UBE3C: variants seen among roughly 807,000 people sequenced by gnomAD.
UBE3C encodes ubiquitin-protein ligase E3C.
Under a neutral mutation model 129.4 loss-of-function variants are expected in UBE3C, and 42 were observed. The observed-to-expected ratio is 0.32, with a 90% CI of 0.25 to 0.42. The LOEUF (loss-of-function observed/expected upper bound fraction) is 0.42. UBE3C is among the 10% of genes least tolerant of loss of function. UBE3C has a pLI of 1.00. For missense variants in UBE3C, 1,049 were observed against 1,319.1 expected (o/e 0.80, Z 3.17); for synonymous variants, 510 against 492.4 (o/e 1.04, Z -0.47).
chr7:157,193,661 C>CTTTT (rs35221804), intron 10 of UBE3C, among the ~76,000 whole-genome samples: 1 of 140,722 alleles, frequency 7.1e-6, no homozygotes, highest in African/African-American at 2.6e-5. Context: ...AGAAATTTGT[C>CTTTT]TTTTTTTTTT....
At chr7:157,237,309 C>T (rs1035943174) in intron 18 of UBE3C, among the ~76,000 whole-genome samples, 1 of 151,852 alleles carries the variant, frequency 6.6e-6, no homozygotes, top group African/African-American at 2.4e-5. Flanking sequence ...GGCGTGGTGG[C>T]GGGCGCCTGT....
intron 13 of UBE3C, among the ~76,000 whole-genome samples, chr7:157,211,464 A>G (rs1809593595): frequency 6.6e-6 from 1 of 152,066 alleles, no homozygotes; most frequent in Non-Finnish European, 1.5e-5. Flanking sequence ...TAGTGTTTTA[A>G]ATATGTGCTG....
At chr7:157,197,722 C>G (rs1563052211) in intron 10 of UBE3C, 1 of 1,610,588 alleles carries the variant, frequency 6.2e-7, no homozygotes, top group East Asian at 2.2e-5. Context: ...GCTGCAAATT[C>G]AGGACAAGAC....
intron 4 of UBE3C, 144 bp from the exon 5 acceptor site, chr7:157,174,775 C>T: frequency 3.3e-6 from 2 of 599,860 alleles, no homozygotes; most frequent in Non-Finnish European, 5.5e-6. Context: ...ATAAAACCGA[C>T]TTAGAATATT....
At chr7:157,219,122 C>G (rs1169895138) in intron 14 of UBE3C, among the ~76,000 whole-genome samples, 1 of 152,150 alleles carries the variant, frequency 6.6e-6, no homozygotes, top group Non-Finnish European at 1.5e-5. Flanking sequence ...CAGGGCGGTG[C>G]CACTCCAGGT....
In UBE3C at chr7:157,170,453, G is replaced by A. The variant is rs377062249; in HGVS notation, c.342+3G>A. On this transcript the variant is annotated splice_donor_region_variant and intron_variant, in intron 4 of 22. Transcript: ENST00000348165. ...AAAATGAAGACTCAAAACGTTTGGTGAGTGTTAACTACATTTTCACTTGTC... is the reference window on the plus strand; with the variant it reads ...AAAATGAAGACTCAAAACGTTTGGTAAGTGTTAACTACATTTTCACTTGTC... The A allele has an allele frequency of 1.3e-6, 2 of 1,538,972 alleles. No individual in the cohort carries two copies. The highest frequency in any genetic ancestry group is 2.3e-5 in the Admixed American group (1 of 43,538).
chr7:157,217,185 C>A (rs913669132), intron 14 of UBE3C: 4 of 395,204 alleles, frequency 1.0e-5, no homozygotes, highest in African/African-American at 6.2e-5. Flanking sequence ...AGTTATTAAT[C>A]CTCAATTTTC....
chr7:157,193,775 G>T (rs1296383902), intron 10 of UBE3C, among the ~76,000 whole-genome samples: 1 of 149,000 alleles, frequency 6.7e-6, no homozygotes, highest in Non-Finnish European at 1.5e-5. Context: ...TCTGTTCATT[G>T]TGACATCTTT....
At chr7:157,237,495 T>C (rs546994850) in intron 18 of UBE3C, among the ~76,000 whole-genome samples, 1 of 152,312 alleles carries the variant, frequency 6.6e-6, no homozygotes, top group African/African-American at 2.4e-5. Flanking sequence ...GTAAATTCTT[T>C]CTGCCCTTGG....
intron 4 of UBE3C, among the ~76,000 whole-genome samples, chr7:157,172,507 C>G (rs1201437956): frequency 6.6e-6 from 1 of 152,028 alleles, no homozygotes; most frequent in East Asian, 1.9e-4. Context: ...ATGATTATTC[C>G]TCTAGTGTTT....
At chr7:157,240,833 A>G (rs1054439326) in intron 18 of UBE3C, among the ~76,000 whole-genome samples, 37 of 152,212 alleles carry the variant, frequency 2.4e-4, no homozygotes, top group Admixed American at 6.5e-5. Context: ...ACAGAGCTGA[A>G]GGAACTGGTA....
intron 3 of UBE3C, among the ~76,000 whole-genome samples, chr7:157,169,992 G>A (rs1040596656): frequency 3.3e-5 from 5 of 151,878 alleles, no homozygotes; most frequent in Non-Finnish European, 7.4e-5. Flanking sequence ...CCTAGCTTTT[G>A]TATTTTTAGT....
At chr7:157,189,896 G>C (rs1199995230) in intron 10 of UBE3C, among the ~76,000 whole-genome samples, 1 of 152,136 alleles carries the variant, frequency 6.6e-6, no homozygotes, top group South Asian at 2.1e-4. Flanking sequence ...CACCTCCAGG[G>C]TTCAAGCGAT....
Position 157,207,613 on chromosome 7 carries a change from A to T in UBE3C, c.1576+58A>T, listed in dbSNP as rs191821912. 7 of 1,589,458 alleles carry T rather than the reference A, an allele frequency of 4.4e-6. No individual in the cohort carries two copies. In the African/African-American group the frequency reaches 8.2e-5, roughly 19 times the overall value. On this transcript the variant is annotated intron_variant, in intron 12 of 22. Transcript: ENST00000348165. ...CCACTTGGCCCATCAGTTTTCATAG[A>T]CAGTAGAAAAGTTTTAAGCTTTTTA...
At position 157,170,335 on chromosome 7, in the gene UBE3C, G is replaced by A. The variant is rs1488811750; in HGVS notation, c.227G>A (p.Cys76Tyr). Reference sequence around the variant, plus strand: ...ATCCAAAGAAGTGCATTTGATCGCTGTGCTACCTTGTCACAGTCCGGGGGC... The same window carrying A: ...ATCCAAAGAAGTGCATTTGATCGCTATGCTACCTTGTCACAGTCCGGGGGC... ...YSIQRSAFDR[C>Y]ATLSQSGGAF... The change falls in exon 4 of 23, where the codon TGT becomes TAT. Residue 76 changes from cysteine to tyrosine, a missense_variant. This residue lies in a region of UBE3C where 489 missense variants were observed against 513.8 expected (regional missense o/e 0.95). Coordinates refer to ENST00000348165, the MANE Select transcript of UBE3C (RefSeq NM_014671.3). The A allele has an allele frequency of 6.5e-7, 1 of 1,544,288 alleles. No individual in the cohort carries two copies. Among genetic ancestry groups the A allele is most frequent in the African/African-American group, 1.4e-5 (1 of 71,044 alleles).
Position 157,261,311 on chromosome 7 carries a change from A to AGG in UBE3C, c.3081+4267_3081+4268insGG, listed in dbSNP as rs1563079229. Among the ~76,000 whole-genome samples, 32 of 58,522 alleles carry AGG rather than the reference A, an allele frequency of 5.5e-4. 1 individual carries two copies. The highest frequency in any genetic ancestry group is 1.5e-3 in the South Asian group (3 of 1,942). 38.4% of individuals were successfully genotyped at this position (58,522 alleles called of 152,430 possible). ...ACAAGAGCAAAACTCTGTCTGAAAA[A>AGG]AAAAAAAAAAAAAAAAAAAAAAAAA... On this transcript the variant is annotated intron_variant, in intron 22 of 22. Coordinates refer to ENST00000348165, the MANE Select transcript of UBE3C (RefSeq NM_014671.3).
At chr7:157,167,544 CT>C (rs1408600696) in intron 2 of UBE3C, among the ~76,000 whole-genome samples, 53 of 145,870 alleles carry the variant, frequency 3.6e-4, no homozygotes, top group East Asian at 3.0e-3. Context: ...TCTCTCTTTT[CT>C]TTTTTTTTTT....
At chr7:157,217,114 C>G (rs898319392) in intron 14 of UBE3C, 143 bp downstream of exon 14, 2 of 599,386 alleles carry the variant, frequency 3.3e-6, no homozygotes, top group Non-Finnish European at 5.7e-6. Context: ...TTATTACTAA[C>G]TCTTACGCCA....
chr7:157,190,179 C>A (rs1027775793), intron 10 of UBE3C, among the ~76,000 whole-genome samples: 4 of 152,208 alleles, frequency 2.6e-5, no homozygotes, highest in African/African-American at 7.2e-5. Context: ...GTGACTCTCA[C>A]ATTTGTGTCT....
Sources: gnomAD v4.1 joint callset for allele counts (sites outside exome capture counted in the v4.1 genomes callset) on GRCh38, gnomAD v4.1.1 for gene constraint, gnomAD v4.1.1 regional missense constraint, MANE v1.5 for transcripts, NCBI Gene and HGNC (gene_info 2026-07-23, HGNC 2026-07-21) for gene names.